The following MAN2A1 variants were observed in gnomAD, a reference collection of about 807,000 sequenced individuals.
MAN2A1 encodes alpha-mannosidase 2.
A neutral mutation model predicts 142.6 loss-of-function variants in MAN2A1; 76 were observed. That is an observed-to-expected ratio of 0.53 (90% CI 0.44 to 0.65). MAN2A1 has a LOEUF of 0.65. Ranked by LOEUF, MAN2A1 falls within the 30% of genes least tolerant of loss-of-function variation. MAN2A1 has a pLI of 0.00. For synonymous variants in MAN2A1, 559 were observed against 473.2 expected (o/e 1.18, Z -2.35); for missense variants, 1,311 against 1,365.1 (o/e 0.96, Z 0.62).
At position 109,867,363 on chromosome 5, in the gene MAN2A1, G is replaced by C. The variant is rs938410137; in HGVS notation, c.*365G>C. ...TGCGAAGAGATTCTTAAAAGTATCT[G>C]TGTGTTGATCATCAGTTTTACAAAA... On this transcript the variant is annotated 3_prime_UTR_variant, in exon 22 of 22. Transcript: ENST00000261483. The C allele has an allele frequency of 1.9e-5, 3 of 157,064 alleles. No individual in the cohort carries two copies. Among genetic ancestry groups the C allele is most frequent in the African/African-American group, 7.2e-5 (3 of 41,672 alleles). The allele number at this position is 157,064 out of a possible 1,614,324, so 9.7% of individuals were successfully genotyped here.
chr5:109,868,447 T>C lies in MAN2A1; in HGVS notation c.*1449T>C, dbSNP rs1161073172. 1.3e-5 allele frequency: 2 copies of C among 152,224 alleles called. No individual in the cohort carries two copies. The highest frequency in any genetic ancestry group is 4.8e-5 in the African/African-American group (2 of 41,460). The allele number at this position is 152,224 out of a possible 1,614,324, so 9.4% of individuals were successfully genotyped here. A position where few individuals can be genotyped will look rare whatever the true frequency, so the allele number is the denominator to read the frequency against. On this transcript the variant is annotated 3_prime_UTR_variant, in exon 22 of 22. Transcript: ENST00000261483. ...AAGGAGTCTTTGAGTATGTACAGTT[T>C]TGAAAATTCTCTTTGAGATAATTGA...
chr5:109,770,383 C>T lies in MAN2A1; in HGVS notation c.1038C>T (p.Cys346=). 6.2e-7 allele frequency: 1 copy of T among 1,613,628 alleles called. No individual in the cohort carries two copies. The highest frequency in any genetic ancestry group is 8.5e-7 in the Non-Finnish European group (1 of 1,179,692). Residue 346 remains cysteine, a synonymous_variant, in exon 7 of 22, where the codon TGC becomes TGT. Transcript: ENST00000261483. The part of the protein sequence containing the change: ...WDLGSVTDIL[C]HMMPFYSYDI... ...TGGGATCTGTCACAGATATTTTATGCCACATGATGCCCTTCTACAGCTATG... is the reference window on the plus strand; with the variant it reads ...TGGGATCTGTCACAGATATTTTATGTCACATGATGCCCTTCTACAGCTATG...
rs1319926717 is a variant in MAN2A1, at chr5:109,731,872, T to C, written c.707+2359T>C. On this transcript the variant is annotated intron_variant, in intron 4 of 21. Transcript: ENST00000261483. ...CATGATTTATAGTCCTTTGGGTATA[T>C]ACCCAGTAATGGGATGGCTGGGTCA... is the stretch of plus-strand genomic sequence containing the variant. 4.0e-5 allele frequency among the ~76,000 whole-genome samples: 6 copies of C among 149,452 alleles called. No homozygotes were observed. The South Asian group carries it at 1.3e-3, about 32-fold the overall frequency.
chr5:109,698,788 A>G (rs527940175), intron 1 of MAN2A1, among the ~76,000 whole-genome samples: 127 of 152,190 alleles, frequency 8.3e-4, no homozygotes, highest in South Asian at 1.9e-3. Context: ...TTAAACATGT[A>G]AAAGGTATAA....
At chr5:109,845,090 G>C (rs1162606763) in intron 17 of MAN2A1, among the ~76,000 whole-genome samples, 2 of 152,174 alleles carry the variant, frequency 1.3e-5, no homozygotes, top group Non-Finnish European at 2.9e-5. Context: ...CGGTAACTTT[G>C]TACCTCTTCT....
intron 1 of MAN2A1, among the ~76,000 whole-genome samples, chr5:109,694,884 T>G (rs919916191): frequency 6.6e-6 from 1 of 152,212 alleles, no homozygotes; most frequent in Non-Finnish European, 1.5e-5. Context: ...TCCCCTTCCT[T>G]GAGTGCAGTC....
chr5:109,798,647 C>A (rs1022055238), intron 12 of MAN2A1, among the ~76,000 whole-genome samples: 3 of 152,032 alleles, frequency 2.0e-5, no homozygotes, highest in African/African-American at 7.2e-5. Flanking sequence ...ACATGCTAGA[C>A]CTTTTCATTC....
intron 16 of MAN2A1, among the ~76,000 whole-genome samples, chr5:109,841,972 G>A (rs545939257): frequency 1.5e-4 from 23 of 152,276 alleles, no homozygotes; most frequent in Non-Finnish European, 2.8e-4. Context: ...GAATGGTGGT[G>A]CAGATGAGAA....
chr5:109,690,572 G>A lies in MAN2A1; in HGVS notation c.135+20G>A, dbSNP rs772597687. The A allele has an allele frequency of 1.3e-6, 2 of 1,576,354 alleles. No homozygotes were observed. The highest frequency in any genetic ancestry group is 1.7e-6 in the Non-Finnish European group (2 of 1,161,946). On this transcript the variant is annotated intron_variant, in intron 1 of 21. Transcript: ENST00000261483. ...CCTCAGGTAAGCACCTGGGAAGGGG[G>A]CGCGGGGCTCCGAGGGGCCAGGCGT...
intron 7 of MAN2A1, among the ~76,000 whole-genome samples, chr5:109,770,959 T>A (rs1301560655): frequency 6.6e-6 from 1 of 152,196 alleles, no homozygotes; most frequent in South Asian, 2.1e-4. Flanking sequence ...TAATTATCTG[T>A]TCCCTTAATA....
chr5:109,744,819 A>G (rs1752356605), intron 4 of MAN2A1, among the ~76,000 whole-genome samples: 1 of 152,194 alleles, frequency 6.6e-6, no homozygotes, highest in African/African-American at 2.4e-5. Context: ...ACATTTTCAT[A>G]CAGGCTTTTT....
At chr5:109,756,733 A>G (rs747950554) in intron 5 of MAN2A1, among the ~76,000 whole-genome samples, 9 of 152,200 alleles carry the variant, frequency 5.9e-5, no homozygotes, top group Non-Finnish European at 1.3e-4. Context: ...CAGGTCTGCT[A>G]TCTTTAGAAA....
chr5:109,843,296 A>G (rs1250237993), intron 17 of MAN2A1, among the ~76,000 whole-genome samples: 1 of 152,154 alleles, frequency 6.6e-6, no homozygotes, highest in East Asian at 1.9e-4. Flanking sequence ...AGAAAAGCCC[A>G]GGGGAACTGC....
At chr5:109,720,154 T>C (rs1751561436) in intron 3 of MAN2A1, among the ~76,000 whole-genome samples, 1 of 152,164 alleles carries the variant, frequency 6.6e-6, no homozygotes, top group Non-Finnish European at 1.5e-5. Context: ...AGTCACAGTG[T>C]GTGGAGAGAA....
chr5:109,694,323 A>G (rs1463165900), intron 1 of MAN2A1, among the ~76,000 whole-genome samples: 1 of 152,126 alleles, frequency 6.6e-6, no homozygotes, highest in Non-Finnish European at 1.5e-5. Context: ...AGCCATTAGA[A>G]GGTGAGAACT....
intron 8 of MAN2A1, among the ~76,000 whole-genome samples, chr5:109,778,521 T>A (rs1753357367): frequency 6.6e-6 from 1 of 152,124 alleles, no homozygotes; most frequent in African/African-American, 2.4e-5. Flanking sequence ...TTCCTTATAT[T>A]CCTCATTTAC....
chr5:109,787,724 G>A (rs1277682428), intron 10 of MAN2A1, among the ~76,000 whole-genome samples: 1 of 151,894 alleles, frequency 6.6e-6, no homozygotes, highest in Admixed American at 6.6e-5. Context: ...GCAGATTCAG[G>A]CTGCCTAATA....
chr5:109,820,504 T>A (rs1224657142), intron 15 of MAN2A1, among the ~76,000 whole-genome samples, 162 bp downstream of exon 15: 2 of 152,140 alleles, frequency 1.3e-5, no homozygotes, highest in Non-Finnish European at 2.9e-5. Context: ...ACTTAGCAAT[T>A]TGTAGTCGAA....
At position 109,786,002 on chromosome 5, in the gene MAN2A1, A is replaced by G. The variant is rs192869038; in HGVS notation, c.1760+1076A>G. On this transcript the variant is annotated intron_variant, in intron 10 of 21. Transcript: ENST00000261483. Reference sequence around the variant, plus strand: ...AATGTTAATTAAATTTTTAGTTACAATATTTTGACTGGCTTTCTAGAAATT... The same window carrying G: ...AATGTTAATTAAATTTTTAGTTACAGTATTTTGACTGGCTTTCTAGAAATT... Among the ~76,000 whole-genome samples, 12 of 152,268 alleles carry G rather than the reference A, an allele frequency of 7.9e-5. No individual in the cohort carries two copies. The East Asian group carries it at 1.4e-3, about 17-fold the overall frequency.
Sources: gnomAD v4.1 joint callset for allele counts (sites outside exome capture counted in the v4.1 genomes callset) on GRCh38, gnomAD v4.1.1 for gene constraint, MANE v1.5 for transcripts, NCBI Gene and HGNC (gene_info 2026-07-23, HGNC 2026-07-21) for gene names.